The following ESRRG variants were observed in gnomAD, a reference collection of about 807,000 sequenced individuals.
ESRRG encodes estrogen-related receptor gamma.
In ESRRG, 13 loss-of-function variants were observed where a neutral mutation model predicts 44.0. The observed-to-expected ratio is 0.30, with a 90% CI of 0.19 to 0.47. The LOEUF is 0.47. Ranked by LOEUF, ESRRG falls within the 20% of genes least tolerant of loss-of-function variation. The pLI is 1.00. For missense variants in ESRRG, 395 were observed against 580.6 expected, an observed-to-expected ratio of 0.68 and a Z score of 3.29; for synonymous variants, 215 against 214.6, an observed-to-expected ratio of 1.00 and a Z score of -0.02.
intron 2 of ESRRG, among the ~76,000 whole-genome samples, chr1:216,671,924 T>C (rs2075259274): frequency 6.6e-6 from 1 of 152,088 alleles, no homozygotes; most frequent in South Asian, 2.1e-4. Context: ...ACTTGGGTAT[T>C]ACTTATACTT....
chr1:216,907,447 C>T (rs1286932604), intron 2 of ESRRG, among the ~76,000 whole-genome samples: 5 of 152,154 alleles, frequency 3.3e-5, no homozygotes, highest in Admixed American at 2.0e-4. Context: ...ACGTCTGGAA[C>T]TGGGAAAAAG....
intron 2 of ESRRG, among the ~76,000 whole-genome samples, chr1:216,929,788 G>A (rs139731217): frequency 2.0e-5 from 3 of 152,056 alleles, no homozygotes; most frequent in Non-Finnish European, 4.4e-5. Context: ...TGAGAATATT[G>A]GACCAGACCC....
intron 1 of ESRRG, among the ~76,000 whole-genome samples, chr1:216,701,907 T>C (rs1472710152): frequency 6.6e-6 from 1 of 152,244 alleles, no homozygotes; most frequent in Non-Finnish European, 1.5e-5. Context: ...ATATGGCTGA[T>C]TTGACTAAAC....
At chr1:217,120,942 C>A (rs1203541978) in intron 1 of ESRRG, among the ~76,000 whole-genome samples, 1 of 152,102 alleles carries the variant, frequency 6.6e-6, no homozygotes, top group Admixed American at 6.5e-5. Context: ...GGGCAAGGAC[C>A]ATATCTACTT....
chr1:216,606,431 A>C (rs1307446539), intron 3 of ESRRG, among the ~76,000 whole-genome samples: 1 of 152,220 alleles, frequency 6.6e-6, no homozygotes, highest in Non-Finnish European at 1.5e-5. Flanking sequence ...TCATAGTCAC[A>C]CTTTATCTTT....
At chr1:216,724,318 C>T (rs1026993661), upstream of ESRRG, among the ~76,000 whole-genome samples, 1 of 149,474 alleles carries the variant, frequency 6.7e-6, no homozygotes, top group African/African-American at 2.5e-5. Context: ...GGGTAAATAG[C>T]GAATTAAATC....
At chr1:216,519,115 A>C (rs746354577) in intron 6 of ESRRG, 37 bp downstream of exon 6, 1 of 1,549,066 alleles carries the variant, frequency 6.5e-7, no homozygotes, top group African/African-American at 1.4e-5. Context: ...CTGACATATT[A>C]AAAAAAATGT....
rs557769492 is a variant in ESRRG, at chr1:216,597,158, C to G, written c.590-29060G>C. On this transcript the variant is annotated intron_variant, in intron 3 of 6. Transcript: ENST00000408911. ...TTGGCCTCATTATAGTCACCCAATT[C>G]CATTTATTCAAATGTGTACAATGTG... Among the ~76,000 whole-genome samples the G allele has an allele frequency of 3.9e-5, 6 of 152,260 alleles. No homozygotes were observed. The South Asian group carries it at 6.2e-4, about 16-fold the overall frequency.
intron 5 of ESRRG, among the ~76,000 whole-genome samples, chr1:216,530,357 C>CA (rs2049012187): frequency 6.6e-6 from 1 of 151,800 alleles, no homozygotes; most frequent in Non-Finnish European, 1.5e-5. Context: ...GTACAAGAGA[C>CA]AAAACTAGAA....
intron 2 of ESRRG, among the ~76,000 whole-genome samples, chr1:216,776,297 T>TC (rs2093611190): frequency 6.6e-6 from 1 of 152,032 alleles, no homozygotes; most frequent in Non-Finnish European, 1.5e-5. Context: ...CGGCAACCAC[T>TC]CCCCACTCTA....
intron 2 of ESRRG, among the ~76,000 whole-genome samples, chr1:216,810,976 C>T (rs1255654770): frequency 6.6e-6 from 1 of 151,798 alleles, no homozygotes; most frequent in Non-Finnish European, 1.5e-5. Flanking sequence ...AAAATGTAAC[C>T]TGCCTTTATG....
intron 1 of ESRRG, among the ~76,000 whole-genome samples, chr1:217,062,593 T>C (rs868830570): frequency 4.6e-5 from 7 of 152,132 alleles, no homozygotes; most frequent in African/African-American, 1.4e-4. Context: ...GAAATTAAAA[T>C]AACATCTGGC....
At chr1:216,971,978 G>A (rs2150302045) in intron 1 of ESRRG, among the ~76,000 whole-genome samples, 1 of 152,300 alleles carries the variant, frequency 6.6e-6, no homozygotes, top group South Asian at 2.1e-4. Context: ...GATTCATATT[G>A]ATTGAGATAT....
At chr1:217,090,795 A>G (rs570309935), upstream of ESRRG, among the ~76,000 whole-genome samples, 4 of 152,346 alleles carry the variant, frequency 2.6e-5, no homozygotes, top group South Asian at 2.1e-4. Flanking sequence ...AACTCATTCT[A>G]CAACAGCAGG....
At chr1:217,097,238 G>A (rs1407493458) in intron 1 of ESRRG, among the ~76,000 whole-genome samples, 1 of 151,882 alleles carries the variant, frequency 6.6e-6, no homozygotes, top group Non-Finnish European at 1.5e-5. Context: ...CCATGAGGAT[G>A]AGGCTGCAGT....
intron 2 of ESRRG, among the ~76,000 whole-genome samples, chr1:216,754,701 AC>A (rs2092331584): frequency 8.0e-6 from 1 of 125,308 alleles, no homozygotes; most frequent in African/African-American, 3.7e-5. Context: ...AAGAGAAAGA[AC>A]TTTTTTTTTT....
At chr1:216,549,285 GGAAAAGAACTTTTTAT>G (rs1313012927) in intron 5 of ESRRG, among the ~76,000 whole-genome samples, 32 of 152,016 alleles carry the variant, frequency 2.1e-4, no homozygotes, top group Admixed American at 4.6e-4. Context: ...GATCAGTGAT[GGAAAAGAACTTTTTAT>G]ATCAGAACTC....
intron 1 of ESRRG, among the ~76,000 whole-genome samples, chr1:217,040,019 C>T (rs2083557542): frequency 6.6e-6 from 1 of 152,140 alleles, no homozygotes; most frequent in Non-Finnish European, 1.5e-5. Context: ...ACACACCACA[C>T]ACAAGAGCAG....
intron 2 of ESRRG, among the ~76,000 whole-genome samples, chr1:216,659,389 C>T (rs1447266783): frequency 3.3e-5 from 5 of 152,110 alleles, no homozygotes; most frequent in African/African-American, 1.2e-4. Context: ...TTAAAAGTAC[C>T]GAAATGTCTG....
Sources: allele counts gnomAD v4.1 joint callset (sites outside exome capture counted in the v4.1 genomes callset), GRCh38; gene constraint gnomAD v4.1.1; transcripts MANE v1.5; gene names NCBI Gene and HGNC (gene_info 2026-07-23, HGNC 2026-07-21).